Variants in PRDM1 observed in about 807,000 individuals in gnomAD.
PRDM1 encodes PR/SET domain 1, also known as PR domain zinc finger protein 1.
A neutral mutation model predicts 62.8 loss-of-function variants in PRDM1; 13 were observed. The ratio of observed to expected loss-of-function variants is 0.21; its 90% confidence interval spans 0.13 to 0.33. The LOEUF (loss-of-function observed/expected upper bound fraction) is 0.33. PRDM1 is among the 10% of genes least tolerant of loss of function. PRDM1 has a pLI of 1.00. For missense variants in PRDM1, 895 were observed against 1,058.8 expected (o/e 0.85, Z 2.15); for synonymous variants, 396 against 417.6 (o/e 0.95, Z 0.63).
At chr6:106,096,867 A>C (rs1372498581) in intron 3 of PRDM1, among the ~76,000 whole-genome samples, 1 of 152,222 alleles carries the variant, frequency 6.6e-6, no homozygotes, top group Non-Finnish European at 1.5e-5. Context: ...TTTTTTGTGC[A>C]TACTTACATG....
At chr6:106,099,225 T>A in intron 3 of PRDM1, 75 bp from the exon 4 acceptor site, 2 of 1,605,964 alleles carry the variant, frequency 1.2e-6, no homozygotes, top group Non-Finnish European at 1.7e-6. Flanking sequence ...CGGTACCGGC[T>A]GTGTTTATTC....
upstream of PRDM1, among the ~76,000 whole-genome samples, chr6:105,993,369 A>G (rs112325135): frequency 3.8e-3 from 585 of 152,342 alleles, 2 homozygotes; most frequent in African/African-American, 0.013. Flanking sequence ...ACCTCTGGGT[A>G]GGCAACCCCC....
intron 2 of PRDM1, among the ~76,000 whole-genome samples, chr6:106,092,698 T>TC (rs1279943915): frequency 6.6e-6 from 1 of 152,128 alleles, no homozygotes; most frequent in Non-Finnish European, 1.5e-5. Context: ...TTTTTTCACT[T>TC]CCCTTTAAAA....
Position 105,997,073 on chromosome 6 carries a change from A to G in PRDM1, c.-67+3434A>G, listed in dbSNP as rs150715845. ...GCAGTAAAAAAATTCTAGATGGCCAATATAATTTAAATGACAAATGTGTAT... is the reference window on the plus strand; with the variant it reads ...GCAGTAAAAAAATTCTAGATGGCCAGTATAATTTAAATGACAAATGTGTAT... On this transcript the variant is annotated intron_variant, in intron 1 of 6. Transcript: ENST00000652320. Among the ~76,000 whole-genome samples the G allele has an allele frequency of 4.8e-4, 73 of 152,368 alleles. No individual in the cohort carries two copies. In the East Asian group the frequency reaches 0.011, roughly 24 times the overall value.
intron 1 of PRDM1, among the ~76,000 whole-genome samples, chr6:106,058,465 G>A (rs1431574055): frequency 6.6e-6 from 1 of 152,192 alleles, no homozygotes. Context: ...AGTTCAGCAT[G>A]TGAATTTTGG....
At chr6:106,051,560 CTTGT>C (rs1255525066) in intron 1 of PRDM1, among the ~76,000 whole-genome samples, 4 of 152,164 alleles carry the variant, frequency 2.6e-5, no homozygotes, top group Non-Finnish European at 5.9e-5. Flanking sequence ...TGTTATTTTG[CTTGT>C]TTAACTGACC....
chr6:106,001,812 C>T (rs1205918691), intron 1 of PRDM1, among the ~76,000 whole-genome samples: 1 of 151,988 alleles, frequency 6.6e-6, no homozygotes, highest in Non-Finnish European at 1.5e-5. Context: ...GTGTTTTGCT[C>T]TCCTGTATGG....
chr6:106,004,597 T>C lies in PRDM1; in HGVS notation c.-67+10958T>C, dbSNP rs1772462976. On this transcript the variant is annotated intron_variant, in intron 1 of 6. Transcript: ENST00000652320. The stretch of plus-strand genomic sequence containing the variant: ...ACAGTTCAGAAGATAATTTATCTGA[T>C]AAAAATGGTAAGTTTTGCTTGTGGA... Among the ~76,000 whole-genome samples the C allele has an allele frequency of 1.3e-5, 2 of 152,188 alleles. 1 individual carries two copies. The highest frequency in any genetic ancestry group is 2.9e-5 in the Non-Finnish European group (2 of 68,010).
At position 106,105,030 on chromosome 6, in the gene PRDM1, A is replaced by C; in HGVS notation, c.870A>C (p.Glu290Asp). 6.2e-7 allele frequency: 1 copy of C among 1,614,114 alleles called. No homozygotes were observed. The highest frequency in any genetic ancestry group is 8.5e-7 in the Non-Finnish European group (1 of 1,180,012). The change falls in exon 5 of 7, where the codon GAA (glutamate) becomes GAC (aspartate). Residue 290 changes from glutamate (E) to aspartate (D), a missense_variant. Physicochemically the swap from Glu to Asp is conservative, Grantham distance 45. Around this residue, in one of 4 missense-constraint regions of PRDM1, gnomAD observed 444 missense variants for 422.7 expected, o/e 1.05. Transcript: ENST00000369096. ...LDDFRRRGSP[E>D]MPFYPRVVYP... ...ACTTTAGAAGACGTGGGAGCCCCGA[A>C]ATGCCCTTCTACCCTCGGGTCGTTT...
At chr6:106,079,899 T>G (rs913781145) in intron 1 of PRDM1, among the ~76,000 whole-genome samples, 1 of 152,230 alleles carries the variant, frequency 6.6e-6, no homozygotes, top group Non-Finnish European at 1.5e-5. Context: ...TAACCACTCT[T>G]TAGGCTATTG....
chr6:106,032,927 A>T (rs1352731061), intron 1 of PRDM1, among the ~76,000 whole-genome samples: 1 of 152,196 alleles, frequency 6.6e-6, no homozygotes, highest in African/African-American at 2.4e-5. Context: ...TTGAAAGTTT[A>T]CTGTTGTGTC....
At chr6:106,055,798 C>G (rs1469992911) in intron 1 of PRDM1, among the ~76,000 whole-genome samples, 2 of 152,200 alleles carry the variant, frequency 1.3e-5, no homozygotes, top group Admixed American at 1.3e-4. Flanking sequence ...GGGTACAGCT[C>G]TGGTCCCCGA....
chr6:105,993,762 TAA>T (rs1772312735), intron 1 of PRDM1, among the ~76,000 whole-genome samples: 1 of 152,192 alleles, frequency 6.6e-6, no homozygotes, highest in Non-Finnish European at 1.5e-5. Flanking sequence ...TGAGGGATAG[TAA>T]AAGAGTGGTG....
chr6:106,107,516 T>C lies in PRDM1; in HGVS notation c.*30T>C. On this transcript the variant is annotated 3_prime_UTR_variant, in exon 7 of 7. Transcript: ENST00000369096. ...TTCAGAAAACACTTATTTTGTTTCTTAAGTTATGACTTGGTGAGTCAGGGT... is the reference window on the plus strand; with the variant it reads ...TTCAGAAAACACTTATTTTGTTTCTCAAGTTATGACTTGGTGAGTCAGGGT... The C allele has an allele frequency of 6.4e-7, 1 of 1,556,884 alleles. No homozygotes were observed. Among genetic ancestry groups the C allele is most frequent in the Non-Finnish European group, 8.7e-7 (1 of 1,148,400 alleles).
rs142150575 is a variant in PRDM1, at chr6:106,106,011, A to G, written c.1773+78A>G. 9 of 1,528,044 alleles carry G rather than the reference A, an allele frequency of 5.9e-6. No homozygotes were observed. Among genetic ancestry groups the G allele is most frequent in the African/African-American group, 4.1e-5 (3 of 72,304 alleles). 94.7% of individuals were successfully genotyped at this position (1,528,044 alleles called of 1,614,324 possible). ...GTATTTAGCTTGCTTTCCATGGGGT[A>G]TCGATTGCATTTGCAGTAGTATGAG... On this transcript the variant is annotated intron_variant, in intron 5 of 6. Transcript: ENST00000369096. This position sits in a 1 kb window ranked among gnomAD's most constrained non-coding sequence, Gnocchi z 4.4.
intron 3 of PRDM1, chr6:106,098,502 G>T (rs9398066): frequency 5.8e-6 from 7 of 1,204,506 alleles, no homozygotes; most frequent in Non-Finnish European, 6.4e-6. Context: ...AAAAACACAC[G>T]CCTATGGCTC....
chr6:106,095,800 T>A (rs1774100134), intron 3 of PRDM1, 66 bp downstream of exon 3: 1 of 1,559,764 alleles, frequency 6.4e-7, no homozygotes, highest in African/African-American at 1.4e-5. Context: ...AAGAGCTGGG[T>A]GGCTCACCTT....
upstream of PRDM1, chr6:106,045,726 CA>C (rs1197521472): frequency 6.6e-6 from 1 of 152,096 alleles, no homozygotes; most frequent in Admixed American, 6.5e-5. Flanking sequence ...ACGGGGTCAA[CA>C]AAATGATACA....
chr6:106,005,392 G>A (rs557475512), intron 1 of PRDM1, among the ~76,000 whole-genome samples: 1 of 152,228 alleles, frequency 6.6e-6, no homozygotes, highest in African/African-American at 2.4e-5. Context: ...CCTCTGTAGA[G>A]TGGACTGTAA....
Sources: gnomAD v4.1 joint callset for allele counts (sites outside exome capture counted in the v4.1 genomes callset) on GRCh38, gnomAD v4.1.1 for gene constraint, gnomAD v4.1.1 regional missense constraint, Gnocchi (gnomAD v3.1) non-coding constraint, MANE v1.5 for transcripts, NCBI Gene and HGNC (gene_info 2026-07-23, HGNC 2026-07-21) for gene names.